The following GRM4 variants were observed in gnomAD, a reference collection of about 807,000 sequenced individuals.
GRM4 encodes the protein metabotropic glutamate receptor 4.
Under a neutral mutation model 81.7 loss-of-function variants are expected in GRM4, and 28 were observed. That is an observed-to-expected ratio of 0.34 (90% CI 0.25 to 0.47). The LOEUF is 0.47. GRM4 is among the 20% of genes least tolerant of loss of function. The pLI is 1.00. For synonymous variants in GRM4, 488 were observed against 528.8 expected, an observed-to-expected ratio of 0.92 and a Z score of 1.06; for missense variants, 948 against 1,290.0, an observed-to-expected ratio of 0.73 and a Z score of 4.06.
intron 2 of GRM4, chr6:34,110,663 A>T: frequency 7.0e-7 from 1 of 1,436,598 alleles, no homozygotes; most frequent in South Asian, 1.2e-5. Context: ...TCCCCACCTT[A>T]CATGACATGT....
At chr6:34,044,749 T>TACACAGAC (rs1288469304) in intron 6 of GRM4, among the ~76,000 whole-genome samples, 2 of 89,986 alleles carry the variant, frequency 2.2e-5, no homozygotes, top group Non-Finnish European at 4.3e-5. Context: ...CATACACATA[T>TACACAGAC]ATACACATAC....
At chr6:34,093,221 A>G (rs867485064) in intron 2 of GRM4, among the ~76,000 whole-genome samples, 9 of 152,200 alleles carry the variant, frequency 5.9e-5, no homozygotes, top group African/African-American at 2.2e-4. Context: ...TTCCTGGGAC[A>G]GGAGGGTTGG....
chr6:34,048,109 C>G lies in GRM4; in HGVS notation c.1169-7361G>C, dbSNP rs1434945468. Among the ~76,000 whole-genome samples, 1 of 152,156 alleles carries G rather than the reference C, an allele frequency of 6.6e-6. No individual in the cohort carries two copies. Among genetic ancestry groups the G allele is most frequent in the African/African-American group, 2.4e-5 (1 of 41,422 alleles). ...CATGAGAATGCAGACTTTAAGAATC[C>G]TCACGGCACTCCTGTGTCCCTGCGA... On this transcript the variant is annotated intron_variant, in intron 6 of 10. Transcript: ENST00000538487. This position sits in a 1 kb window ranked among gnomAD's most constrained non-coding sequence, Gnocchi z 4.0.
intron 1 of GRM4, among the ~76,000 whole-genome samples, chr6:34,145,513 G>C (rs996905671): frequency 1.3e-4 from 20 of 152,214 alleles, no homozygotes; most frequent in African/African-American, 3.4e-4. Flanking sequence ...GCCGAGGTAC[G>C]GGCGCCTGGC....
Position 34,028,270 on chromosome 6 carries a change from A to G in GRM4, c.2539T>C (p.Phe847Leu), listed in dbSNP as rs1452847345. The change falls in exon 10 of 11, where the codon TTC becomes CTC. Residue 847 changes from phenylalanine (F) to leucine (L), a missense_variant. Phe to Leu is a conservative substitution (Grantham distance 22, BLOSUM62 0). Transcript: ENST00000538487. Reference protein sequence around the residue: ...LYMPKVYIILFHPEQNVPKRK... With the variant: ...LYMPKVYIILLHPEQNVPKRK... ...TTGGGCACGTTCTGCTCCGGGTGGA[A>G]GAGGATGATGTAGACTTTGGGCATG... The G allele has an allele frequency of 1.2e-6, 2 of 1,614,030 alleles. No individual in the cohort carries two copies. The highest frequency in any genetic ancestry group is 1.7e-6 in the Non-Finnish European group (2 of 1,180,004).
chr6:34,133,547 C>A lies in GRM4; in HGVS notation c.-51G>T. On this transcript the variant is annotated 5_prime_UTR_variant, in exon 2 of 11. Transcript: ENST00000538487. The surrounding 1 kb of genome is among the most constrained non-coding windows in gnomAD (Gnocchi z 6.5). ...ACGGCAGGCCCACTCCTAGCCCTGG[C>A]AGGCCCCTGGCCCCACGGCCTGGGT... 6.6e-7 allele frequency: 1 copy of A among 1,505,948 alleles called. No homozygotes were observed. Among genetic ancestry groups the A allele is most frequent in the Non-Finnish European group, 8.8e-7 (1 of 1,133,694 alleles). The allele number at this position is 1,505,948 out of a possible 1,614,324, so 93.3% of individuals were successfully genotyped here.
chr6:34,154,864 C>G (rs1771115561), intron 1 of GRM4, among the ~76,000 whole-genome samples: 1 of 152,204 alleles, frequency 6.6e-6, no homozygotes, highest in South Asian at 2.1e-4. Context: ...CCTCGATTCC[C>G]GCGCGCCCGA....
At chr6:34,091,303 G>A (rs1390899215) in intron 3 of GRM4, among the ~76,000 whole-genome samples, 3 of 152,182 alleles carry the variant, frequency 2.0e-5, no homozygotes, top group South Asian at 2.1e-4. Flanking sequence ...AATTCAGCAC[G>A]CTTAATGGGG....
In GRM4 at chr6:34,064,807, A is replaced by G. The variant is rs1425834161; in HGVS notation, c.737-2779T>C. The stretch of plus-strand genomic sequence containing the variant: ...GAGCACCCCCTGCATGCCTGGCACC[A>G]TGCGAGGCCCAGTCTCAATGAATCC... On this transcript the variant is annotated intron_variant, in intron 3 of 10. Transcript: ENST00000538487. The surrounding 1 kb of genome is among the most constrained non-coding windows in gnomAD (Gnocchi z 4.4). 1.3e-5 allele frequency among the ~76,000 whole-genome samples: 2 copies of G among 152,160 alleles called. No individual in the cohort carries two copies. Among genetic ancestry groups the G allele is most frequent in the East Asian group, 1.9e-4 (1 of 5,192 alleles).
intron 9 of GRM4, among the ~76,000 whole-genome samples, chr6:34,030,496 G>T (rs527255259): frequency 1.3e-5 from 2 of 152,318 alleles, no homozygotes; most frequent in East Asian, 3.9e-4. Context: ...GAGGGCCAGC[G>T]TCCTGGGTTC....
chr6:34,127,336 C>T (rs1455992259), intron 2 of GRM4, among the ~76,000 whole-genome samples: 2 of 152,188 alleles, frequency 1.3e-5, no homozygotes, highest in Non-Finnish European at 2.9e-5. Context: ...AGACTCCAGA[C>T]AGCAAGGCAA....
At chr6:34,124,522 G>A (rs79196768) in intron 2 of GRM4, among the ~76,000 whole-genome samples, 192 of 152,314 alleles carry the variant, frequency 1.3e-3, no homozygotes, top group African/African-American at 4.2e-3. Flanking sequence ...GGGCTCACCC[G>A]AGTGCTTCCT....
intron 3 of GRM4, among the ~76,000 whole-genome samples, chr6:34,083,376 A>G (rs746376829): frequency 6.6e-6 from 1 of 152,200 alleles, no homozygotes; most frequent in South Asian, 2.1e-4. Flanking sequence ...TCACAACAGA[A>G]CAGAGACTGA....
upstream of GRM4, among the ~76,000 whole-genome samples, chr6:34,147,692 T>C (rs1222277173): frequency 6.6e-6 from 1 of 152,220 alleles, no homozygotes; most frequent in Non-Finnish European, 1.5e-5. Flanking sequence ...CATCCTGACT[T>C]GTGGCTGTGT....
At chr6:34,096,965 C>T (rs1310409818) in intron 2 of GRM4, among the ~76,000 whole-genome samples, 1 of 151,710 alleles carries the variant, frequency 6.6e-6, no homozygotes, top group Non-Finnish European at 1.5e-5. Flanking sequence ...CGTGGGCACA[C>T]GGGCTAGAGC....
chr6:34,117,333 C>T (rs910132778), intron 2 of GRM4, among the ~76,000 whole-genome samples: 7 of 152,060 alleles, frequency 4.6e-5, no homozygotes, highest in Non-Finnish European at 8.8e-5. Context: ...ATGAGGTGGG[C>T]GAGACAGGCT....
In GRM4 at chr6:34,040,615, G is replaced by A; in HGVS notation, c.1302C>T (p.Leu434=). The part of the protein sequence containing the change: ...HRDLCPGRVG[L]CPRMDPVDGT... ...CATCTACAGGGTCCATGCGCGGGCAGAGCCCCACGCGGCCGGGACACAGGT... is the reference window on the plus strand; with the variant it reads ...CATCTACAGGGTCCATGCGCGGGCAAAGCCCCACGCGGCCGGGACACAGGT... Residue 434 remains leucine, a synonymous_variant, in exon 7 of 11, where the codon CTC becomes CTT. Coordinates refer to ENST00000538487, the MANE Select transcript of GRM4 (RefSeq NM_000841.4). 6.2e-7 allele frequency: 1 copy of A among 1,614,120 alleles called. No homozygotes were observed. The highest frequency in any genetic ancestry group is 8.5e-7 in the Non-Finnish European group (1 of 1,179,946).
At chr6:34,039,665 C>G (rs1018731965) in intron 8 of GRM4, among the ~76,000 whole-genome samples, 2 of 152,298 alleles carry the variant, frequency 1.3e-5, no homozygotes, top group Admixed American at 1.3e-4. Context: ...TGCCTTCTAT[C>G]GTGCTTTGAT....
At position 34,069,148 on chromosome 6, in the gene GRM4, CT is replaced by C. The variant is rs1343730426; in HGVS notation, c.737-7121del. On this transcript the variant is annotated intron_variant, in intron 3 of 10. Transcript: ENST00000538487. This position sits in a 1 kb window ranked among gnomAD's most constrained non-coding sequence, Gnocchi z 6.4. The stretch of plus-strand genomic sequence containing the variant: ...GGAGGACAGGGGCTGGAAGCTACCC[CT>C]GGACCCTCATGGGCGTATACACACA... Among the ~76,000 whole-genome samples, 2 of 149,950 alleles carry C rather than the reference CT, an allele frequency of 1.3e-5. No homozygotes were observed. The highest frequency in any genetic ancestry group is 3.0e-5 in the Non-Finnish European group (2 of 67,656).
Sources: allele counts gnomAD v4.1 joint callset (sites outside exome capture counted in the v4.1 genomes callset), GRCh38; gene constraint gnomAD v4.1.1; non-coding constraint Gnocchi (gnomAD v3.1); transcripts MANE v1.5; gene names NCBI Gene and HGNC (gene_info 2026-07-23, HGNC 2026-07-21).